Variants in PDE1C observed in about 807,000 individuals in gnomAD.
PDE1C encodes phosphodiesterase 1C, also known as dual specificity calcium/calmodulin-dependent 3',5'-cyclic nucleotide phosphodiesterase 1C.
Under a neutral mutation model 93.1 loss-of-function variants are expected in PDE1C, and 62 were observed. The ratio of observed to expected loss-of-function variants is 0.67; its 90% CI spans 0.54 to 0.82. PDE1C has a LOEUF of 0.82. PDE1C is among the 40% of genes least tolerant of loss of function. The pLI, the probability that PDE1C is intolerant of heterozygous loss-of-function variation, is 0.00. For missense variants in PDE1C, 742 were observed against 884.6 expected, an observed-to-expected ratio of 0.84 and a Z score of 2.04; for synonymous variants, 325 against 310.1, an observed-to-expected ratio of 1.05 and a Z score of -0.50.
At chr7:31,808,991 C>A (rs902068325) in intron 16 of PDE1C, 40 bp downstream of exon 16, 1 of 1,174,248 alleles carries the variant, frequency 8.5e-7, no homozygotes, top group South Asian at 1.2e-5. Flanking sequence ...CATTAAACTG[C>A]ACATTTTATG....
At position 32,296,927 on chromosome 7, in the gene PDE1C, C is replaced by G. The variant is rs1350372741; in HGVS notation, c.85+1724G>C. 2.6e-5 allele frequency among the ~76,000 whole-genome samples: 4 copies of G among 152,132 alleles called. No individual in the cohort carries two copies. In the East Asian group the frequency reaches 7.7e-4, roughly 29 times the overall value. ...GAATTTTTAATACAATGAGGACTAC[C>G]AACAGGTGCCTAAATAACTGATTCA... is the stretch of plus-strand genomic sequence containing the variant. On this transcript the variant is annotated intron_variant, in intron 1 of 18. Coordinates refer to the PDE1C transcript ENST00000396193.
At chr7:32,402,541 C>T (rs78958328) in intron 1 of PDE1C, among the ~76,000 whole-genome samples, 3,187 of 152,230 alleles carry the variant, frequency 0.021, 100 homozygotes, top group African/African-American at 0.073. Flanking sequence ...ACAGACTGGA[C>T]GATGCCCACC....
intron 1 of PDE1C, among the ~76,000 whole-genome samples, chr7:32,313,477 ACAATAG>A (rs1328417728): frequency 6.6e-6 from 1 of 152,054 alleles, no homozygotes; most frequent in Non-Finnish European, 1.5e-5. Context: ...AGCACTATTC[ACAATAG>A]CAAAGACTTG....
chr7:31,946,801 C>T (rs1427125617), intron 2 of PDE1C, among the ~76,000 whole-genome samples: 1 of 152,156 alleles, frequency 6.6e-6, no homozygotes, highest in Non-Finnish European at 1.5e-5. Flanking sequence ...CTTTGTCGCC[C>T]CCATGGCCTG....
At chr7:32,279,065 T>C (rs753608384) in intron 1 of PDE1C, among the ~76,000 whole-genome samples, 1 of 152,146 alleles carries the variant, frequency 6.6e-6, no homozygotes, top group Non-Finnish European at 1.5e-5. Context: ...AATAAAGCTG[T>C]TTGAAAAACC....
At chr7:32,136,587 C>T (rs1800225529) in intron 3 of PDE1C, among the ~76,000 whole-genome samples, 1 of 152,040 alleles carries the variant, frequency 6.6e-6, no homozygotes, top group Admixed American at 6.6e-5. Context: ...TAAATTGGTT[C>T]CAAATGGCTC....
At chr7:31,743,796 T>C in the PDE1C span, among the ~76,000 whole-genome samples, 1 of 152,156 alleles carries the variant, frequency 6.6e-6, no homozygotes, top group Non-Finnish European at 1.5e-5. Context: ...CCAGGGCTGG[T>C]GTAGCAGTTC....
rs975476552 is a variant in PDE1C, at chr7:31,850,550, T to G, written c.851+91A>C. ...TCAGAAATTCAAAATAGGAAACCTA[T>G]GCAAAAGAAAGGTGACTAACACCTT... On this transcript the variant is annotated intron_variant, in intron 8 of 17. Transcript: ENST00000396191. 4 of 842,636 alleles carry G rather than the reference T, an allele frequency of 4.7e-6. No homozygotes were observed. The African/African-American group carries it at 6.7e-5, about 14-fold the overall frequency. The allele number at this position is 842,636 out of a possible 1,614,324, so 52.2% of individuals were successfully genotyped here.
chr7:32,047,034 T>C (rs1468532691), intron 2 of PDE1C, among the ~76,000 whole-genome samples: 2 of 124,170 alleles, frequency 1.6e-5, no homozygotes, highest in Non-Finnish European at 3.4e-5. Context: ...GAAATAGGGG[T>C]GTGTGTGTGT....
chr7:31,657,080 AT>A, the PDE1C span, among the ~76,000 whole-genome samples: 5 of 12,080 alleles, frequency 4.1e-4, no homozygotes, highest in African/African-American at 1.6e-3. Flanking sequence ...TGTATCATAT[AT>A]ATTTTATATA....
chr7:32,141,340 T>C (rs1414828714), intron 3 of PDE1C, among the ~76,000 whole-genome samples: 2 of 152,164 alleles, frequency 1.3e-5, no homozygotes, highest in Admixed American at 1.3e-4. Flanking sequence ...AAGATCCCCA[T>C]TTCTAAAAAA....
intron 1 of PDE1C, among the ~76,000 whole-genome samples, chr7:32,295,240 C>T (rs215602): frequency 0.99 from 150,246 of 152,332 alleles, 74,121 homozygotes; most frequent in Middle Eastern, 1. Context: ...CTCCCAGATC[C>T]CTCTGCTGCA....
intron 2 of PDE1C, among the ~76,000 whole-genome samples, chr7:31,996,047 C>A (rs573043444): frequency 2.7e-5 from 4 of 148,434 alleles, no homozygotes; most frequent in African/African-American, 1.0e-4. Context: ...TCAGAACCAT[C>A]TGTCTCTTTA....
chr7:32,346,185 C>A (rs557454161), intron 1 of PDE1C, among the ~76,000 whole-genome samples: 1 of 152,314 alleles, frequency 6.6e-6, no homozygotes, highest in East Asian at 1.9e-4. Flanking sequence ...CTCAGAAGGG[C>A]CTCTGAACTT....
chr7:31,673,456 T>G, the PDE1C span, among the ~76,000 whole-genome samples: 1 of 152,188 alleles, frequency 6.6e-6, no homozygotes, highest in South Asian at 2.1e-4. Flanking sequence ...CTTTAATATT[T>G]AAGATATTAA....
chr7:31,820,426 A>G (rs1319398111), intron 14 of PDE1C: 3 of 152,152 alleles, frequency 2.0e-5, no homozygotes, highest in Non-Finnish European at 4.4e-5. Flanking sequence ...CAGACTTGAA[A>G]ATTGTTATGT....
intron 1 of PDE1C, among the ~76,000 whole-genome samples, chr7:32,316,088 C>T (rs1783164633): frequency 6.6e-6 from 1 of 152,234 alleles, no homozygotes; most frequent in African/African-American, 2.4e-5. Context: ...GATATTCTCA[C>T]TAGACTGTAA....
intron 2 of PDE1C, among the ~76,000 whole-genome samples, chr7:31,911,226 C>T (rs1337546264): frequency 1.3e-5 from 2 of 151,980 alleles, no homozygotes; most frequent in African/African-American, 4.8e-5. Flanking sequence ...ATCTCAAATC[C>T]TGAAGTTCTA....
chr7:31,843,726 G>C (rs1263137215), intron 9 of PDE1C, among the ~76,000 whole-genome samples: 2 of 151,506 alleles, frequency 1.3e-5, no homozygotes, highest in Non-Finnish European at 3.0e-5. Context: ...GTTATTATTT[G>C]TTTTCTAATT....
Sources: allele counts gnomAD v4.1 joint callset (sites outside exome capture counted in the v4.1 genomes callset), GRCh38; gene constraint gnomAD v4.1.1; transcripts MANE v1.5; gene names NCBI Gene and HGNC (gene_info 2026-07-23, HGNC 2026-07-21).